Variants in TENM4 observed in about 807,000 individuals in gnomAD.
The protein encoded by TENM4 is teneurin transmembrane protein 4.
TENM4 carries 82 observed loss-of-function variants against 243.3 expected under a neutral mutation model. That is an observed-to-expected ratio of 0.34 (90% CI 0.28 to 0.40). The LOEUF is 0.40. Among genes scored for constraint, TENM4 ranks in the 10% least tolerant of loss-of-function variants. TENM4 has a pLI of 1.00. For synonymous variants in TENM4, 1,412 were observed against 1,456.3 expected (o/e 0.97, Z 0.69); for missense variants, 3,138 against 3,673.3 (o/e 0.85, Z 3.77).
chr11:79,245,968 G>C (rs555409027), intron 2 of TENM4, among the ~76,000 whole-genome samples: 15 of 126,772 alleles, frequency 1.2e-4, no homozygotes, highest in Non-Finnish European at 1.9e-4. Context: ...AAAAAGAAAA[G>C]AAAAGGAAAG....
chr11:79,254,758 A>G (rs1855672008), intron 2 of TENM4, among the ~76,000 whole-genome samples: 1 of 152,210 alleles, frequency 6.6e-6, no homozygotes, highest in African/African-American at 2.4e-5. Flanking sequence ...GAGGAGAGTC[A>G]CATACACAAG....
chr11:79,098,702 A>C (rs1861148028), intron 4 of TENM4, among the ~76,000 whole-genome samples: 1 of 152,238 alleles, frequency 6.6e-6, no homozygotes, highest in African/African-American at 2.4e-5. Flanking sequence ...CATACTGGGC[A>C]AGCGATGGGT....
At chr11:78,830,375 C>T (rs1055745011) in intron 12 of TENM4, among the ~76,000 whole-genome samples, 1 of 152,162 alleles carries the variant, frequency 6.6e-6, no homozygotes, top group Non-Finnish European at 1.5e-5. Flanking sequence ...AGAGGGTGCA[C>T]AAAGGAGAGG....
At chr11:78,792,299 C>T (rs1857072872) in intron 15 of TENM4, among the ~76,000 whole-genome samples, 1 of 152,152 alleles carries the variant, frequency 6.6e-6, no homozygotes, top group Admixed American at 6.5e-5. Flanking sequence ...TTCCTCTGGT[C>T]ACCTAGCATG....
chr11:78,894,036 A>T (rs967905119), intron 7 of TENM4, among the ~76,000 whole-genome samples: 1 of 152,216 alleles, frequency 6.6e-6, no homozygotes, highest in East Asian at 1.9e-4. Context: ...GGTAGCAGGC[A>T]CTCAATAAAT....
chr11:78,862,425 C>G (rs1858845647), intron 10 of TENM4, among the ~76,000 whole-genome samples: 1 of 152,186 alleles, frequency 6.6e-6, no homozygotes, highest in Non-Finnish European at 1.5e-5. Flanking sequence ...TGTACGAACA[C>G]TAATGATTAT....
intron 3 of TENM4, among the ~76,000 whole-genome samples, chr11:79,173,271 A>T (rs1166600479): frequency 6.6e-6 from 1 of 152,174 alleles, no homozygotes; most frequent in East Asian, 1.9e-4. Context: ...AGTTATTTCC[A>T]TGGGAAGGGA....
chr11:78,821,522 G>A (rs1339588572), intron 12 of TENM4, among the ~76,000 whole-genome samples: 1 of 152,134 alleles, frequency 6.6e-6, no homozygotes, highest in Non-Finnish European at 1.5e-5. Flanking sequence ...ACAGTGATAC[G>A]AAGCTGAATT....
intron 9 of TENM4, among the ~76,000 whole-genome samples, chr11:78,875,580 C>T (rs1216102447): frequency 1.3e-5 from 2 of 152,160 alleles, no homozygotes; most frequent in Non-Finnish European, 2.9e-5. Flanking sequence ...CTAAATGCCC[C>T]CCAGCATATG....
intron 29 of TENM4, among the ~76,000 whole-genome samples, chr11:78,686,322 C>T (rs569371955): frequency 5.4e-4 from 82 of 152,306 alleles, no homozygotes; most frequent in African/African-American, 1.9e-3. Flanking sequence ...GAAAGCCCCA[C>T]GCCCCTTACC....
At chr11:78,966,381 T>G (rs1857437649) in intron 6 of TENM4, among the ~76,000 whole-genome samples, 1 of 152,208 alleles carries the variant, frequency 6.6e-6, no homozygotes, top group Non-Finnish European at 1.5e-5. Context: ...CTAGCTGTCT[T>G]CATGTTTTCT....
At chr11:79,432,741 A>C (rs949930610) in intron 1 of TENM4, among the ~76,000 whole-genome samples, 2 of 152,212 alleles carry the variant, frequency 1.3e-5, no homozygotes, top group Non-Finnish European at 2.9e-5. Flanking sequence ...AAGTAGGCCC[A>C]GAAAAAGGAC....
At chr11:78,736,640 T>C in intron 20 of TENM4, among the ~76,000 whole-genome samples, 1 of 152,052 alleles carries the variant, frequency 6.6e-6, no homozygotes, top group East Asian at 1.9e-4. Context: ...TTTCGTAAGG[T>C]ACGGGAGGTA....
intron 29 of TENM4, among the ~76,000 whole-genome samples, chr11:78,677,822 T>G (rs1263138761): frequency 2.7e-5 from 4 of 149,508 alleles, no homozygotes; most frequent in Non-Finnish European, 5.9e-5. Flanking sequence ...GTGCACATTG[T>G]GCAGGTTAGT....
rs868176171 is a variant in TENM4, at chr11:79,132,117, C to T, written c.-66+16593G>A. Reference sequence around the variant, plus strand: ...CAGCACTTTGGGAGGCCAAGGTGGGCGGATCACGAGGTCAGGAGATCGAGA... The same window carrying T: ...CAGCACTTTGGGAGGCCAAGGTGGGTGGATCACGAGGTCAGGAGATCGAGA... On this transcript the variant is annotated intron_variant, in intron 4 of 33. Transcript: ENST00000278550. Among the ~76,000 whole-genome samples, 26 of 151,448 alleles carry T rather than the reference C, an allele frequency of 1.7e-4. No homozygotes were observed. In the East Asian group the frequency reaches 1.8e-3, roughly 10 times the overall value.
At chr11:79,286,179 C>T (rs542148691) in intron 2 of TENM4, among the ~76,000 whole-genome samples, 2 of 152,090 alleles carry the variant, frequency 1.3e-5, no homozygotes, top group Admixed American at 1.3e-4. Flanking sequence ...ATTATTGTTT[C>T]CATGTTGTTT....
chr11:79,128,973 A>C (rs1861938926), intron 4 of TENM4, among the ~76,000 whole-genome samples: 1 of 152,194 alleles, frequency 6.6e-6, no homozygotes, highest in Admixed American at 6.5e-5. Flanking sequence ...CAATCCTGAG[A>C]GGATCCACAA....
At chr11:78,668,469 G>T (rs1409029470) in intron 32 of TENM4, among the ~76,000 whole-genome samples, 1 of 152,050 alleles carries the variant, frequency 6.6e-6, no homozygotes, top group Non-Finnish European at 1.5e-5. Context: ...CCCAAATTGA[G>T]AACTAATTTT....
At chr11:79,004,757 G>T (rs923644833) in intron 6 of TENM4, among the ~76,000 whole-genome samples, 8 of 151,958 alleles carry the variant, frequency 5.3e-5, no homozygotes, top group Non-Finnish European at 1.2e-4. Context: ...CATCAGAGCT[G>T]AATGGAAGGA....
Sources: allele counts gnomAD v4.1 joint callset (sites outside exome capture counted in the v4.1 genomes callset), GRCh38; gene constraint gnomAD v4.1.1; transcripts MANE v1.5; gene names NCBI Gene and HGNC (gene_info 2026-07-23, HGNC 2026-07-21).